The following TMEM260 variants were observed in gnomAD, a reference collection of about 807,000 sequenced individuals.
The protein encoded by TMEM260 is protein O-mannosyl-transferase TMEM260.
A neutral mutation model predicts 88.9 loss-of-function variants in TMEM260; 82 were observed. The ratio of observed to expected loss-of-function variants is 0.92; its 90% confidence interval spans 0.77 to 1.11. TMEM260 has a LOEUF of 1.11. TMEM260 is among the 50% of genes least tolerant of loss of function. The pLI is 0.00. For missense variants in TMEM260, 902 were observed against 853.4 expected, an observed-to-expected ratio of 1.06 and a Z score of -0.71; for synonymous variants, 314 against 309.3, an observed-to-expected ratio of 1.02 and a Z score of -0.16.
At chr14:56,646,376 A>C (rs981580561) in intron 15 of TMEM260, among the ~76,000 whole-genome samples, 1 of 152,212 alleles carries the variant, frequency 6.6e-6, no homozygotes, top group African/African-American at 2.4e-5. Context: ...GTGCACTCAG[A>C]AAGTCTACAG....
intron 15 of TMEM260, among the ~76,000 whole-genome samples, chr14:56,637,068 TAA>T (rs1458452395): frequency 1.3e-5 from 2 of 151,692 alleles, no homozygotes; most frequent in Non-Finnish European, 2.9e-5. Context: ...GAGCCAGGAG[TAA>T]AAGAGTGCAG....
At chr14:56,632,917 A>G in intron 12 of TMEM260, 78 bp from the exon 13 acceptor site, 1 of 1,342,780 alleles carries the variant, frequency 7.4e-7, no homozygotes. Context: ...TCTAAAAATG[A>G]TCTTTCATGA....
chr14:56,645,282 G>T (rs1488696717), intron 15 of TMEM260, among the ~76,000 whole-genome samples: 1 of 151,502 alleles, frequency 6.6e-6, no homozygotes, highest in East Asian at 1.9e-4. Flanking sequence ...AGAAAATGTG[G>T]CACATATACA....
chr14:56,603,146 G>C (rs1049499157), intron 3 of TMEM260, among the ~76,000 whole-genome samples: 1 of 152,046 alleles, frequency 6.6e-6, no homozygotes, highest in South Asian at 2.1e-4. Flanking sequence ...TTGTGGGTGA[G>C]AAATTTGTTT....
At chr14:56,613,895 C>CAAAAAAAAAAAAAAAAAAAAAA (rs35019348) in intron 7 of TMEM260, 2 of 133,200 alleles carry the variant, frequency 1.5e-5, no homozygotes, top group East Asian at 5.2e-4. Context: ...CCCGTCTCTG[C>CAAAAAAAAAAAAAAAAAAAAAA]AAAAAAAAAA....
intron 15 of TMEM260, 41 bp from the exon 16 acceptor site, chr14:56,647,202 A>G (rs771603726): frequency 2.2e-5 from 34 of 1,541,454 alleles, no homozygotes; most frequent in Admixed American, 1.1e-4. Flanking sequence ...AAAAAAGTCA[A>G]AGAATAACAA....
At chr14:56,580,361 A>G (rs1885042129) in intron 1 of TMEM260, among the ~76,000 whole-genome samples, 1 of 152,128 alleles carries the variant, frequency 6.6e-6, no homozygotes, top group Non-Finnish European at 1.5e-5. Flanking sequence ...CCTGGTCCTG[A>G]GTATTTACTT....
At chr14:56,653,384 TA>T (rs1890240507), downstream of TMEM260, among the ~76,000 whole-genome samples, 1 of 151,850 alleles carries the variant, frequency 6.6e-6, no homozygotes, top group African/African-American at 2.4e-5. Flanking sequence ...CAATATAAAA[TA>T]TACTTATTGT....
At position 56,649,462 on chromosome 14, in the gene TMEM260, T is replaced by C. The variant is rs1183644127; in HGVS notation, c.*1965T>C. ...AAAGAAATTGTGTAAGATTATGATA[T>C]TCTCTTTTCTTTAAAAAAAAAAGTA... On this transcript the variant is annotated 3_prime_UTR_variant, in exon 16 of 16. Coordinates refer to ENST00000261556, the MANE Select transcript of TMEM260 (RefSeq NM_017799.4). 1 of 152,140 alleles carries C rather than the reference T, an allele frequency of 6.6e-6. No individual in the cohort carries two copies. 9.4% of individuals were successfully genotyped at this position (152,140 alleles called of 1,614,324 possible). A position where few individuals can be genotyped will look rare whatever the true frequency, so the allele number is the denominator to read the frequency against.
intron 7 of TMEM260, chr14:56,615,382 C>G (rs1887532301): frequency 6.6e-6 from 1 of 151,992 alleles, no homozygotes; most frequent in Non-Finnish European, 1.5e-5. Flanking sequence ...AGGAAAAAAA[C>G]ATAATACATT....
intron 15 of TMEM260, among the ~76,000 whole-genome samples, chr14:56,643,580 T>A (rs911888833): frequency 2.6e-5 from 4 of 152,074 alleles, no homozygotes; most frequent in African/African-American, 9.7e-5. Flanking sequence ...ACTGGAAACA[T>A]TCCCTTTGAA....
At chr14:56,603,074 CAA>C (rs1179258033) in intron 3 of TMEM260, among the ~76,000 whole-genome samples, 2 of 152,072 alleles carry the variant, frequency 1.3e-5, no homozygotes, top group Non-Finnish European at 2.9e-5. Context: ...AGTCTCAAAA[CAA>C]ATCTCTGAAC....
intron 12 of TMEM260, among the ~76,000 whole-genome samples, chr14:56,626,232 A>G (rs1202486118): frequency 6.6e-6 from 1 of 152,210 alleles, no homozygotes; most frequent in Non-Finnish European, 1.5e-5. Flanking sequence ...TAAGAACATA[A>G]TAATGTGGTA....
At chr14:56,591,583 AC>A (rs890081770) in intron 3 of TMEM260, among the ~76,000 whole-genome samples, 1 of 152,190 alleles carries the variant, frequency 6.6e-6, no homozygotes, top group African/African-American at 2.4e-5. Context: ...TATCCTTTTA[AC>A]CAATTTCAGT....
chr14:56,592,871 G>T (rs900832442), intron 3 of TMEM260, among the ~76,000 whole-genome samples: 3 of 152,128 alleles, frequency 2.0e-5, no homozygotes, highest in African/African-American at 7.2e-5. Flanking sequence ...TCCGTGTTGG[G>T]TTCTTTGCAT....
At chr14:56,608,320 G>C (rs939568845) in intron 5 of TMEM260, among the ~76,000 whole-genome samples, 1 of 152,124 alleles carries the variant, frequency 6.6e-6, no homozygotes, top group African/African-American at 2.4e-5. Context: ...ACCTTTCCCA[G>C]TTACTAAAGT....
At chr14:56,606,939 T>A (rs550568684) in intron 5 of TMEM260, among the ~76,000 whole-genome samples, 1 of 152,092 alleles carries the variant, frequency 6.6e-6, no homozygotes, top group Admixed American at 6.6e-5. Context: ...AAGGGAAACA[T>A]AGCAGTTGAC....
chr14:56,579,545 G>C (rs8019286), upstream of TMEM260: 8,193 of 197,074 alleles, frequency 0.042, 726 homozygotes, highest in African/African-American at 0.18. Flanking sequence ...CGCTGCTTTG[G>C]TCTCTGTCAG....
In TMEM260 at chr14:56,642,158, C is replaced by G. The variant is rs1016810699; in HGVS notation, c.1870-5085C>G. ...GAACTCAGCTCTGCACGAAGCGGACCTAATAGAGATCTACAGAACTCTCCA... is the reference window on the plus strand; with the variant it reads ...GAACTCAGCTCTGCACGAAGCGGACGTAATAGAGATCTACAGAACTCTCCA... On this transcript the variant is annotated intron_variant, in intron 15 of 15. Transcript: ENST00000261556. 1.6e-4 allele frequency among the ~76,000 whole-genome samples: 24 copies of G among 152,188 alleles called. No individual in the cohort carries two copies. The Middle Eastern group carries it at 0.014, about 87-fold the overall frequency.
Sources: gnomAD v4.1 joint callset for allele counts (sites outside exome capture counted in the v4.1 genomes callset) on GRCh38, gnomAD v4.1.1 for gene constraint, MANE v1.5 for transcripts, NCBI Gene and HGNC (gene_info 2026-07-23, HGNC 2026-07-21) for gene names.